The following RBM47 variants were observed in gnomAD, a reference collection of about 807,000 sequenced individuals.
The protein encoded by RBM47 is RNA binding motif protein 47.
Under a neutral mutation model 47.1 loss-of-function variants are expected in RBM47, and 21 were observed. That is an observed-to-expected ratio of 0.45 (90% confidence interval 0.32 to 0.64). The LOEUF is 0.64. Among genes scored for constraint, RBM47 ranks in the 30% least tolerant of loss-of-function variants. The pLI is 0.05. For missense variants in RBM47, 708 were observed against 870.9 expected, an observed-to-expected ratio of 0.81 and a Z score of 2.35; for synonymous variants, 375 against 361.7, an observed-to-expected ratio of 1.04 and a Z score of -0.42.
chr4:40,440,380 T>C (rs1340690113), intron 3 of RBM47, among the ~76,000 whole-genome samples: 2 of 152,214 alleles, frequency 1.3e-5, no homozygotes, highest in Non-Finnish European at 2.9e-5. Flanking sequence ...TAAAAATCTT[T>C]GTAAAAACAT....
In RBM47 at chr4:40,438,234, C is replaced by T; in HGVS notation, c.660G>A (p.Gln220=). The T allele has an allele frequency of 6.2e-7, 1 of 1,605,168 alleles. No individual in the cohort carries two copies. The highest frequency in any genetic ancestry group is 1.3e-5 in the African/African-American group (1 of 75,068). ...ARRKLMPGRI[Q]LWGHQIAVDW... is the part of the protein sequence containing the mutation. ...CCACGGCGATCTGGTGGCCCCACAGCTGGATGCGGCCAGGCATGAGCTTGC... is the reference window on the plus strand; with the variant it reads ...CCACGGCGATCTGGTGGCCCCACAGTTGGATGCGGCCAGGCATGAGCTTGC... Residue 220 remains glutamine, a synonymous_variant, in exon 4 of 7, where the codon CAG becomes CAA. Transcript: ENST00000295971.
intron 1 of RBM47, among the ~76,000 whole-genome samples, chr4:40,598,569 A>T (rs1299210604): frequency 1.3e-5 from 2 of 152,172 alleles, no homozygotes; most frequent in African/African-American, 4.8e-5. Context: ...GAACTTTAAA[A>T]TGATGCTTTG....
chr4:40,432,219 C>T (rs1234213891), intron 6 of RBM47, among the ~76,000 whole-genome samples: 1 of 149,518 alleles, frequency 6.7e-6, no homozygotes, highest in Admixed American at 6.7e-5. Flanking sequence ...CACACACACA[C>T]ACACACACAC....
Position 40,622,711 on chromosome 4 carries a change from A to G in RBM47, c.-240+6685T>C, listed in dbSNP as rs531798233. Reference sequence around the variant, plus strand: ...AGCCTGGCCAACATGGTGAAACTCCATCTCTACTAAAAACACAAAAATTAG... The same window carrying G: ...AGCCTGGCCAACATGGTGAAACTCCGTCTCTACTAAAAACACAAAAATTAG... On this transcript the variant is annotated intron_variant, in intron 1 of 6. Transcript: ENST00000295971. Among the ~76,000 whole-genome samples, 372 of 152,260 alleles carry G rather than the reference A, an allele frequency of 2.4e-3. 1 individual carries two copies. Among genetic ancestry groups the G allele is most frequent in the Non-Finnish European group, 4.3e-3 (295 of 68,014 alleles).
At chr4:40,492,291 GC>G (rs1414115847) in intron 2 of RBM47, among the ~76,000 whole-genome samples, 1 of 152,054 alleles carries the variant, frequency 6.6e-6, no homozygotes, top group East Asian at 1.9e-4. Context: ...AATCACTTGA[GC>G]CCCCGAGGTT....
At chr4:40,534,818 T>C (rs532382180) in intron 2 of RBM47, among the ~76,000 whole-genome samples, 60 of 151,766 alleles carry the variant, frequency 4.0e-4, no homozygotes, top group African/African-American at 1.2e-3. Context: ...GCCTGTAGTC[T>C]CAGCTACTCT....
chr4:40,499,424 T>C (rs1381150469), intron 2 of RBM47, among the ~76,000 whole-genome samples: 1 of 152,218 alleles, frequency 6.6e-6, no homozygotes, highest in African/African-American at 2.4e-5. Flanking sequence ...TATTTGTTTA[T>C]TTTGAGATGG....
intron 3 of RBM47, among the ~76,000 whole-genome samples, chr4:40,449,876 T>G (rs1197716188): frequency 6.6e-6 from 1 of 151,994 alleles, no homozygotes; most frequent in African/African-American, 2.4e-5. Context: ...GAGATGAGGA[T>G]TCACCATGTT....
chr4:40,620,323 T>C (rs1013961458), intron 1 of RBM47, among the ~76,000 whole-genome samples: 4 of 150,250 alleles, frequency 2.7e-5, no homozygotes, highest in Non-Finnish European at 5.9e-5. Flanking sequence ...CTGGCCAACA[T>C]GGTGAAACCC....
intron 2 of RBM47, among the ~76,000 whole-genome samples, chr4:40,509,581 T>C (rs1724590248): frequency 6.6e-6 from 1 of 152,146 alleles, no homozygotes; most frequent in Non-Finnish European, 1.5e-5. Flanking sequence ...TATAAAATTT[T>C]TAAAAAGTAA....
chr4:40,460,036 C>T (rs1255534177), intron 3 of RBM47, among the ~76,000 whole-genome samples: 1 of 152,012 alleles, frequency 6.6e-6, no homozygotes, highest in Non-Finnish European at 1.5e-5. Flanking sequence ...GATTACAGGC[C>T]TGAGCCACCA....
At position 40,436,602 on chromosome 4, in the gene RBM47, G is replaced by A. The variant is rs1204023147; in HGVS notation, c.1169C>T (p.Ala390Val). The A allele has an allele frequency of 1.2e-6, 2 of 1,614,146 alleles. No homozygotes were observed. Among genetic ancestry groups the A allele is most frequent in the East Asian group, 2.2e-5 (1 of 44,876 alleles). ...GAGGTAGGAACCCCTAGGCCCTGGG[G>A]CTCTGTTGCCAGCTGCACCTCGCCC... ...GRGRGAAGNR[A>V]PGPRGSYLGG... The change falls in exon 5 of 7, where the codon GCC (alanine) becomes GTC (valine). Residue 390 changes from alanine to valine, a missense_variant. Ala to Val is a moderately conservative substitution (Grantham distance 64). Coordinates refer to ENST00000295971, the MANE Select transcript of RBM47 (RefSeq NM_001098634.2).
intron 1 of RBM47, among the ~76,000 whole-genome samples, chr4:40,626,542 G>GT (rs1295983265): frequency 1.3e-5 from 2 of 152,108 alleles, no homozygotes; most frequent in Non-Finnish European, 2.9e-5. Flanking sequence ...GAACTTACCT[G>GT]TTTCTTGGCC....
At chr4:40,487,227 G>A (rs751355346) in intron 2 of RBM47, among the ~76,000 whole-genome samples, 7 of 152,170 alleles carry the variant, frequency 4.6e-5, no homozygotes, top group Non-Finnish European at 1.0e-4. Context: ...GGCATCTTGG[G>A]AACTCAGATT....
rs376788614 is a variant in RBM47 at position 40,428,617 on chromosome 4, G to C, written c.1543-2474C>G. Among the ~76,000 whole-genome samples, 49 of 152,338 alleles carry C rather than the reference G, an allele frequency of 3.2e-4. No homozygotes were observed. The South Asian group carries it at 9.5e-3, about 30-fold the overall frequency. On this transcript the variant is annotated intron_variant, in intron 6 of 6. Coordinates refer to ENST00000295971, the MANE Select transcript of RBM47 (RefSeq NM_001098634.2). ...GGCAGGGAAGGCAACATGTGAGAGA[G>C]ACCTTTCCATGTGCTACAGGACGGC... is the stretch of plus-strand genomic sequence containing the variant.
chr4:40,598,994 C>T (rs1424016450), intron 1 of RBM47, among the ~76,000 whole-genome samples: 2 of 151,850 alleles, frequency 1.3e-5, no homozygotes, highest in African/African-American at 2.4e-5. Flanking sequence ...GTGGCTCATA[C>T]CTGTAATCCC....
At chr4:40,521,325 C>A (rs932376558) in intron 2 of RBM47, among the ~76,000 whole-genome samples, 1 of 152,080 alleles carries the variant, frequency 6.6e-6, no homozygotes, top group Non-Finnish European at 1.5e-5. Flanking sequence ...CTCAGCCTCC[C>A]AAGTAGCTGG....
chr4:40,480,337 C>T (rs1289938849), intron 2 of RBM47, among the ~76,000 whole-genome samples: 1 of 152,100 alleles, frequency 6.6e-6, no homozygotes. Context: ...GACCAACAGC[C>T]AGCAAATAAG....
At chr4:40,537,693 A>G (rs1055401591) in intron 2 of RBM47, among the ~76,000 whole-genome samples, 3 of 152,194 alleles carry the variant, frequency 2.0e-5, no homozygotes, top group Non-Finnish European at 2.9e-5. Context: ...ATTTTTCCAA[A>G]TATCTGTTTG....
Sources: gnomAD v4.1 joint callset for allele counts (sites outside exome capture counted in the v4.1 genomes callset) on GRCh38, gnomAD v4.1.1 for gene constraint, MANE v1.5 for transcripts, NCBI Gene and HGNC (gene_info 2026-07-23, HGNC 2026-07-21) for gene names.